The following RSPO2 variants were observed in gnomAD, a reference collection of about 807,000 sequenced individuals.
RSPO2 encodes the protein R-spondin-2.
In RSPO2, 14 loss-of-function variants were observed where a neutral mutation model predicts 30.9. The observed-to-expected ratio is 0.45, with a 90% confidence interval of 0.30 to 0.71. RSPO2 has a LOEUF of 0.71. Among genes scored for constraint, RSPO2 ranks in the 30% least tolerant of loss-of-function variants. The probability of loss-of-function intolerance (pLI) is 0.08; values close to 1 mark genes in which losing one functional copy is unlikely to be tolerated. For synonymous variants in RSPO2, 107 were observed against 96.4 expected (o/e 1.11, Z -0.64); for missense variants, 264 against 301.9 (o/e 0.87, Z 0.93).
intron 2 of RSPO2, among the ~76,000 whole-genome samples, chr8:108,059,746 A>G (rs199536173): frequency 4.7e-5 from 7 of 150,226 alleles, no homozygotes; most frequent in Non-Finnish European, 8.8e-5. Context: ...GTAAACTATC[A>G]CAAGAACAAA....
At position 108,040,525 on chromosome 8, in the gene RSPO2, A is replaced by G. The variant is rs574524061; in HGVS notation, c.94+42020T>C. Among the ~76,000 whole-genome samples, 4 of 152,314 alleles carry G rather than the reference A, an allele frequency of 2.6e-5. No individual in the cohort carries two copies. The South Asian group carries it at 8.3e-4, about 32-fold the overall frequency. ...GAGTAAATCCCCGATGGTCTCAGAA[A>G]AAAAGTTGTAGATTGGGTCCAGACC... is the stretch of plus-strand genomic sequence containing the variant. On this transcript the variant is annotated intron_variant, in intron 2 of 5. Transcript: ENST00000276659.
chr8:108,048,664 C>T (rs891154479), intron 2 of RSPO2, among the ~76,000 whole-genome samples: 1 of 152,040 alleles, frequency 6.6e-6, no homozygotes, highest in Non-Finnish European at 1.5e-5. Flanking sequence ...GTGTCTCTAT[C>T]TCCTTCAGTT....
chr8:107,904,741 C>T (rs902579741), intron 5 of RSPO2, among the ~76,000 whole-genome samples: 2 of 152,070 alleles, frequency 1.3e-5, no homozygotes, highest in Non-Finnish European at 2.9e-5. Flanking sequence ...GAAAATACTA[C>T]AGTCATCATT....
chr8:108,082,630 A>C lies in RSPO2; in HGVS notation c.9T>G (p.Phe3Leu). Residue 3 changes from phenylalanine (F) to leucine (L), a missense_variant, in exon 2 of 6, where the codon TTT becomes TTG. Transcript: ENST00000276659. MQFRLFSFALIIL... is the reference protein window; with the variant it reads MQLRLFSFALIIL... Reference sequence around the variant, plus strand: ...TGATGAGGGCAAAGGAGAAAAGGCGAAACTGCATCTGGGCGGTCGGGCGGG... The same window carrying C: ...TGATGAGGGCAAAGGAGAAAAGGCGCAACTGCATCTGGGCGGTCGGGCGGG... 1 of 1,614,002 alleles carries C rather than the reference A, an allele frequency of 6.2e-7. No individual in the cohort carries two copies. Among genetic ancestry groups the C allele is most frequent in the Non-Finnish European group, 8.5e-7 (1 of 1,179,914 alleles).
rs1336805698 is a variant in RSPO2, at chr8:107,901,001, G to A, written c.*74C>T. ...AGCAGCACAAAGGCTGCACACCAGTGTGCAGGAGTGGAGAGTAGCTTTGTG... is the reference window on the plus strand; with the variant it reads ...AGCAGCACAAAGGCTGCACACCAGTATGCAGGAGTGGAGAGTAGCTTTGTG... On this transcript the variant is annotated 3_prime_UTR_variant, in exon 6 of 6. Transcript: ENST00000276659. 1.3e-6 allele frequency: 2 copies of A among 1,518,656 alleles called. No homozygotes were observed. The highest frequency in any genetic ancestry group is 1.4e-5 in the African/African-American group (1 of 72,310). 94.1% of individuals were successfully genotyped at this position (1,518,656 alleles called of 1,614,324 possible).
chr8:108,057,055 CAAAAAAAAAAAAAAAAAAA>C (rs56727719), intron 2 of RSPO2, among the ~76,000 whole-genome samples: 88 of 36,082 alleles, frequency 2.4e-3, no homozygotes, highest in Non-Finnish European at 3.4e-3. Context: ...GACTCTGTCT[CAAAAAAAAAAAAAAAAAAA>C]AAAAAAAAAA....
chr8:108,000,993 ACT>A (rs1032987056), intron 2 of RSPO2, among the ~76,000 whole-genome samples: 2 of 148,816 alleles, frequency 1.3e-5, no homozygotes, highest in African/African-American at 5.0e-5. Flanking sequence ...CAAGAGCGAC[ACT>A]CTGTCTTAAA....
intron 3 of RSPO2, chr8:107,983,031 G>GGTC: frequency 1.0e-6 from 1 of 960,292 alleles, no homozygotes; most frequent in Admixed American, 2.7e-5. Context: ...CAGTCTCTGC[G>GGTC]GCTGTGTCAC....
At chr8:108,041,203 C>CAAAAAAAAAA (rs55937336) in intron 2 of RSPO2, among the ~76,000 whole-genome samples, 5 of 100,344 alleles carry the variant, frequency 5.0e-5, no homozygotes, top group African/African-American at 1.9e-4. Context: ...CAAAAAGTGG[C>CAAAAAAAAAA]AAAAAAAAAA....
At chr8:107,933,138 CTCA>C (rs969580389) in intron 5 of RSPO2, among the ~76,000 whole-genome samples, 2 of 152,132 alleles carry the variant, frequency 1.3e-5, no homozygotes, top group African/African-American at 4.8e-5. Flanking sequence ...ATGCAACTTT[CTCA>C]TCAACACTGC....
intron 5 of RSPO2, among the ~76,000 whole-genome samples, chr8:107,916,478 T>A (rs1230953811): frequency 6.6e-6 from 1 of 152,220 alleles, no homozygotes. Flanking sequence ...CAGTTAACAT[T>A]GTAACATGTA....
intron 2 of RSPO2, among the ~76,000 whole-genome samples, chr8:108,035,231 CTTAGTA>C (rs1811553352): frequency 6.6e-6 from 1 of 152,158 alleles, no homozygotes; most frequent in East Asian, 1.9e-4. Context: ...AAAACTCCTT[CTTAGTA>C]TAAGTAAGCC....
chr8:107,914,834 ATG>A (rs1054007756), intron 5 of RSPO2, among the ~76,000 whole-genome samples: 42 of 152,252 alleles, frequency 2.8e-4, no homozygotes, highest in African/African-American at 8.7e-4. Context: ...AGGTGCCTTT[ATG>A]TGTTTTCCTA....
At chr8:107,966,136 C>T (rs191059675) in intron 3 of RSPO2, among the ~76,000 whole-genome samples, 2 of 152,210 alleles carry the variant, frequency 1.3e-5, no homozygotes, top group East Asian at 1.9e-4. Context: ...ATAAATTATT[C>T]ATACTTTGAG....
At chr8:108,061,000 C>A (rs1181661620) in intron 2 of RSPO2, among the ~76,000 whole-genome samples, 1 of 151,712 alleles carries the variant, frequency 6.6e-6, no homozygotes, top group Non-Finnish European at 1.5e-5. Flanking sequence ...ATTCTGTCAC[C>A]ACCAGGCCTG....
chr8:108,079,744 C>T (rs1813132460), intron 2 of RSPO2, among the ~76,000 whole-genome samples: 1 of 151,134 alleles, frequency 6.6e-6, no homozygotes, highest in Admixed American at 6.6e-5. Flanking sequence ...CCTAACCAAT[C>T]CTGGTACCAC....
rs955721485 is a variant in RSPO2, at chr8:108,001,061, G to A, written c.95-11817C>T. On this transcript the variant is annotated intron_variant, in intron 2 of 5. Transcript: ENST00000276659. ...AAAAAAATTAGCCAGGCGTGGTGGC[G>A]GGCGCCTGTAGTCCCAGCTACTCAG... Among the ~76,000 whole-genome samples the A allele has an allele frequency of 8.6e-5, 13 of 151,470 alleles. 1 individual carries two copies. In the East Asian group the frequency reaches 1.7e-3, roughly 20 times the overall value.
intron 2 of RSPO2, among the ~76,000 whole-genome samples, chr8:108,072,147 C>G (rs1465533830): frequency 1.3e-5 from 2 of 151,940 alleles, no homozygotes; most frequent in Non-Finnish European, 1.5e-5. Flanking sequence ...GCTGAATCAA[C>G]AGGGTAAAGT....
At chr8:107,924,156 G>A (rs187960852) in intron 5 of RSPO2, among the ~76,000 whole-genome samples, 1 of 151,818 alleles carries the variant, frequency 6.6e-6, no homozygotes, top group East Asian at 1.9e-4. Context: ...TAAAAACTGA[G>A]GTTACTACAA....
Sources: allele counts gnomAD v4.1 joint callset (sites outside exome capture counted in the v4.1 genomes callset), GRCh38; gene constraint gnomAD v4.1.1; transcripts MANE v1.5; gene names NCBI Gene and HGNC (gene_info 2026-07-23, HGNC 2026-07-21).